Variants in TRIM27 observed in about 807,000 individuals in gnomAD.
TRIM27 encodes tripartite motif containing 27.
A neutral mutation model predicts 57.6 loss-of-function variants in TRIM27; 12 were observed. The observed-to-expected ratio is 0.21, with a 90% CI of 0.13 to 0.34. TRIM27 has a LOEUF of 0.34. Ranked by LOEUF, TRIM27 falls within the 10% of genes least tolerant of loss-of-function variation. The probability of loss-of-function intolerance (pLI) is 1.00; values close to 1 mark genes in which losing one functional copy is unlikely to be tolerated. For missense variants in TRIM27, 403 were observed against 656.8 expected (o/e 0.61, Z 4.22); for synonymous variants, 266 against 259.0 (o/e 1.03, Z -0.26).
chr6:28,913,255 CAAA>C (rs66466461), intron 3 of TRIM27, among the ~76,000 whole-genome samples: 3 of 105,398 alleles, frequency 2.8e-5, no homozygotes, highest in East Asian at 2.9e-4. Context: ...AACTCCATCT[CAAA>C]AAAAAAAAAA....
chr6:28,910,202 C>T (rs1266885694), intron 4 of TRIM27, among the ~76,000 whole-genome samples: 1 of 150,734 alleles, frequency 6.6e-6, no homozygotes, highest in Admixed American at 6.6e-5. Context: ...TGGCATTCTA[C>T]CAGCTATTGT....
At chr6:28,912,014 CAAGCT>C (rs1773243540) in intron 3 of TRIM27, among the ~76,000 whole-genome samples, 1 of 152,134 alleles carries the variant, frequency 6.6e-6, no homozygotes, top group Non-Finnish European at 1.5e-5. Context: ...GATTGGACCT[CAAGCT>C]TGCCTACCTG....
intron 6 of TRIM27, 46 bp from the exon 7 acceptor site, chr6:28,907,308 A>G: frequency 6.3e-7 from 1 of 1,589,804 alleles, no homozygotes; most frequent in South Asian, 1.1e-5. Context: ...GAGGGTTTCC[A>G]GGAAATACAT....
In TRIM27 at chr6:28,903,785, C is replaced by A; in HGVS notation, c.*285G>T. The A allele has an allele frequency of 2.3e-6, 1 of 440,722 alleles. No homozygotes were observed. Among genetic ancestry groups the A allele is most frequent in the Non-Finnish European group, 4.0e-6 (1 of 248,492 alleles). 27.3% of individuals were successfully genotyped at this position (440,722 alleles called of 1,614,324 possible). Reference sequence around the variant, plus strand: ...ACGGCTCTCCAAATCCAAAGATTATCCATACTCTTTATCCCTCCAGCGATG... The same window carrying A: ...ACGGCTCTCCAAATCCAAAGATTATACATACTCTTTATCCCTCCAGCGATG... On this transcript the variant is annotated 3_prime_UTR_variant, in exon 8 of 8. Transcript: ENST00000377199.
chr6:28,919,815 T>G (rs1362447472), intron 3 of TRIM27, among the ~76,000 whole-genome samples, 197 bp downstream of exon 3: 2 of 152,228 alleles, frequency 1.3e-5, no homozygotes, highest in Non-Finnish European at 2.9e-5. Context: ...ACAACGCAAT[T>G]GACTAATTCA....
chr6:28,915,401 G>A (rs1245581960), intron 3 of TRIM27: 3 of 151,888 alleles, frequency 2.0e-5, no homozygotes, highest in Admixed American at 6.6e-5. Flanking sequence ...CTGAGGTCAG[G>A]AGTTGAAGAC....
In TRIM27 at chr6:28,904,919, A is replaced by G; in HGVS notation, c.947-254T>C. The stretch of plus-strand genomic sequence containing the variant: ...ATCTGAAGCCACAATATCCATCATG[A>G]ACTGATTTTAAGAGATAGGGTCTTG... On this transcript the variant is annotated intron_variant, in intron 7 of 7. Coordinates refer to ENST00000377199, the MANE Select transcript of TRIM27 (RefSeq NM_006510.5). This position sits in a 1 kb window ranked among gnomAD's most constrained non-coding sequence, Gnocchi z 6.1. The G allele has an allele frequency of 1.9e-6, 1 of 531,386 alleles. No homozygotes were observed. Among genetic ancestry groups the G allele is most frequent in the Middle Eastern group, 4.9e-4 (1 of 2,046 alleles). The allele number at this position is 531,386 out of a possible 1,614,324, so 32.9% of individuals were successfully genotyped here.
intron 1 of TRIM27, among the ~76,000 whole-genome samples, chr6:28,922,635 C>T (rs1022055150): frequency 2.0e-5 from 3 of 152,196 alleles, no homozygotes; most frequent in Non-Finnish European, 4.4e-5. Context: ...TTCTGTTTAG[C>T]TGTGCCAGTT....
chr6:28,920,427 T>TA (rs1773934873), intron 2 of TRIM27, among the ~76,000 whole-genome samples, 185 bp from the exon 3 acceptor site: 1 of 152,144 alleles, frequency 6.6e-6, no homozygotes, highest in Non-Finnish European at 1.5e-5. Context: ...ACCCCAGTGA[T>TA]TATTAAGACA....
chr6:28,923,829 G>T lies in TRIM27; in HGVS notation c.-197C>A, dbSNP rs923251879. ...TGGCCGGGCCGATGCCTGCGCCTGT[G>T]CCCCCTAAGCGAGAGCGGGAATACG... On this transcript the variant is annotated 5_prime_UTR_variant, in exon 1 of 8. Coordinates refer to ENST00000377199, the MANE Select transcript of TRIM27 (RefSeq NM_006510.5). The T allele has an allele frequency of 5.0e-6, 3 of 598,200 alleles. No individual in the cohort carries two copies. The highest frequency in any genetic ancestry group is 3.1e-5 in the East Asian group (1 of 32,504). The allele number at this position is 598,200 out of a possible 1,614,324, so 37.1% of individuals were successfully genotyped here.
At chr6:28,915,346 C>T (rs1309660167) in intron 3 of TRIM27, 4 of 148,214 alleles carry the variant, frequency 2.7e-5, no homozygotes, top group Admixed American at 1.4e-4. Flanking sequence ...CAGTAGCTCA[C>T]GTCTATTATA....
chr6:28,915,293 T>TAAAAAA (rs9256952), intron 3 of TRIM27: 3 of 111,982 alleles, frequency 2.7e-5, no homozygotes, highest in Non-Finnish European at 5.4e-5. Context: ...AAAATATTCT[T>TAAAAAA]AAAAAAAAAA....
chr6:28,903,994 C>T lies in TRIM27; in HGVS notation c.*76G>A, dbSNP rs1311349781. 1.2e-5 allele frequency: 15 copies of T among 1,218,668 alleles called. No homozygotes were observed. Among genetic ancestry groups the T allele is most frequent in the African/African-American group, 1.5e-5 (1 of 66,350 alleles). The allele number at this position is 1,218,668 out of a possible 1,614,324, so 75.5% of individuals were successfully genotyped here. On this transcript the variant is annotated 3_prime_UTR_variant, in exon 8 of 8. Transcript: ENST00000377199. ...GTAAGGATACCCAGCTGTGACAGGA[C>T]GTGGCAAGGCAACAAGATGCCTTGT...
At chr6:28,912,290 A>G (rs1383889173) in intron 3 of TRIM27, among the ~76,000 whole-genome samples, 1 of 152,018 alleles carries the variant, frequency 6.6e-6, no homozygotes, top group South Asian at 2.1e-4. Flanking sequence ...TTGTGTTTTT[A>G]GCACAGACAG....
Position 28,904,861 on chromosome 6 carries a change from T to C in TRIM27, c.947-196A>G, listed in dbSNP as rs1772646884. 1.8e-6 allele frequency: 1 copy of C among 566,208 alleles called. No individual in the cohort carries two copies. Among genetic ancestry groups the C allele is most frequent in the African/African-American group, 1.9e-5 (1 of 53,624 alleles). The allele number at this position is 566,208 out of a possible 1,614,324, so 35.1% of individuals were successfully genotyped here. ...GCTGGTTACCAGAATACTCTGAAAA[T>C]ACAGAATTTTAGCCCCGTATCTTTT... On this transcript the variant is annotated intron_variant, in intron 7 of 7. Coordinates refer to ENST00000377199, the MANE Select transcript of TRIM27 (RefSeq NM_006510.5). This position sits in a 1 kb window ranked among gnomAD's most constrained non-coding sequence, Gnocchi z 6.1.
chr6:28,920,549 C>T (rs1024086735), intron 2 of TRIM27, among the ~76,000 whole-genome samples: 1 of 152,082 alleles, frequency 6.6e-6, no homozygotes, highest in Non-Finnish European at 1.5e-5. Flanking sequence ...GAAACTGGTA[C>T]CATCTTCACA....
intron 4 of TRIM27, among the ~76,000 whole-genome samples, chr6:28,909,327 G>A (rs553129315): frequency 1.2e-4 from 19 of 152,242 alleles, no homozygotes; most frequent in African/African-American, 1.9e-4. Flanking sequence ...GGCTGGTCTC[G>A]AACTCCTGAC....
In TRIM27 at chr6:28,917,475, G is replaced by T. The variant is rs984038031; in HGVS notation, c.747+2537C>A. ...CGCCTGTAATCCCAGCTACTTGGGA[G>T]GCTGAGGCAGGAGAATTGCTTGAAC... is the stretch of plus-strand genomic sequence containing the variant. On this transcript the variant is annotated intron_variant, in intron 3 of 7. Transcript: ENST00000377199. Among the ~76,000 whole-genome samples, 4 of 152,092 alleles carry T rather than the reference G, an allele frequency of 2.6e-5. No homozygotes were observed. In the South Asian group the frequency reaches 6.2e-4, roughly 24 times the overall value.
At chr6:28,915,619 AG>A (rs1773545608) in intron 3 of TRIM27, 1 of 152,234 alleles carries the variant, frequency 6.6e-6, no homozygotes, top group African/African-American at 2.4e-5. Context: ...ATTTAAAAAA[AG>A]GTTTTAAAGC....
Sources: allele counts gnomAD v4.1 joint callset (sites outside exome capture counted in the v4.1 genomes callset), GRCh38; gene constraint gnomAD v4.1.1; non-coding constraint Gnocchi (gnomAD v3.1); transcripts MANE v1.5; gene names NCBI Gene and HGNC (gene_info 2026-07-23, HGNC 2026-07-21).